The following GRM4 variants were observed in gnomAD, a reference collection of about 807,000 sequenced individuals.
The protein encoded by GRM4 is metabotropic glutamate receptor 4.
Under a neutral mutation model 81.7 loss-of-function variants are expected in GRM4, and 28 were observed. The observed-to-expected ratio is 0.34, with a 90% CI of 0.25 to 0.47. The LOEUF (loss-of-function observed/expected upper bound fraction) is 0.47, where lower values mean the gene tolerates loss of function less well. Ranked by LOEUF, GRM4 falls within the 20% of genes least tolerant of loss-of-function variation. The probability of loss-of-function intolerance (pLI) is 1.00; values close to 1 mark genes in which losing one functional copy is unlikely to be tolerated. For missense variants in GRM4, 948 were observed against 1,290.0 expected (o/e 0.73, Z 4.06); for synonymous variants, 488 against 528.8 (o/e 0.92, Z 1.06).
At chr6:34,104,561 T>A (rs1172480433) in intron 2 of GRM4, among the ~76,000 whole-genome samples, 1 of 152,164 alleles carries the variant, frequency 6.6e-6, no homozygotes, top group Non-Finnish European at 1.5e-5. Context: ...AAAGTGAGAT[T>A]TGAACCCAGG....
At chr6:34,153,234 G>A (rs1467438433) in intron 1 of GRM4, among the ~76,000 whole-genome samples, 3 of 152,100 alleles carry the variant, frequency 2.0e-5, no homozygotes, top group Non-Finnish European at 2.9e-5. Flanking sequence ...CCCTACCTCC[G>A]GGATCTGCAT....
At chr6:34,148,937 C>T (rs1397353159), upstream of GRM4, among the ~76,000 whole-genome samples, 1 of 152,168 alleles carries the variant, frequency 6.6e-6, no homozygotes, top group Non-Finnish European at 1.5e-5. Flanking sequence ...AACACCATCT[C>T]TGCAGGGGAA....
At chr6:34,043,175 G>A (rs1363650726) in intron 6 of GRM4, among the ~76,000 whole-genome samples, 4 of 152,198 alleles carry the variant, frequency 2.6e-5, no homozygotes, top group Non-Finnish European at 5.9e-5. Context: ...ATCCCAGGCT[G>A]CATTTGACTT....
chr6:34,065,631 A>G (rs1274801599), intron 3 of GRM4, among the ~76,000 whole-genome samples: 2 of 152,152 alleles, frequency 1.3e-5, no homozygotes, highest in Non-Finnish European at 2.9e-5. Context: ...CCAGCCGCCC[A>G]GGCTCCTGAC....
upstream of GRM4, among the ~76,000 whole-genome samples, chr6:34,149,051 C>T (rs538226917): frequency 9.1e-4 from 138 of 152,306 alleles, no homozygotes; most frequent in African/African-American, 3.1e-3. Context: ...GAAGTTCTTC[C>T]TGAGGTCTGA....
intron 2 of GRM4, among the ~76,000 whole-genome samples, chr6:34,110,171 A>G (rs548365388): frequency 6.6e-6 from 1 of 152,088 alleles, no homozygotes; most frequent in Non-Finnish European, 1.5e-5. Context: ...GTGCACAACT[A>G]TAGTTCCAGC....
rs1771065278 is a variant in GRM4, at chr6:34,152,501, G to A, written c.312+2578C>T. On this transcript the variant is annotated intron_variant, in intron 1 of 8. Coordinates refer to the GRM4 transcript ENST00000374177. This position sits in a 1 kb window ranked among gnomAD's most constrained non-coding sequence, Gnocchi z 4.1. ...GGAGGATTCTGCTCCCCTCGAAGGAGGCAGCAGCATTTCTGCAAACACCCC... is the reference window on the plus strand; with the variant it reads ...GGAGGATTCTGCTCCCCTCGAAGGAAGCAGCAGCATTTCTGCAAACACCCC... Among the ~76,000 whole-genome samples, 1 of 152,082 alleles carries A rather than the reference G, an allele frequency of 6.6e-6. No individual in the cohort carries two copies. Among genetic ancestry groups the A allele is most frequent in the Non-Finnish European group, 1.5e-5 (1 of 68,000 alleles).
intron 1 of GRM4, among the ~76,000 whole-genome samples, chr6:34,138,233 T>C (rs530477943): frequency 1.3e-5 from 2 of 152,290 alleles, no homozygotes; most frequent in South Asian, 4.1e-4. Context: ...GGAAAAGGGC[T>C]TGGGGACTCA....
Position 34,040,287 on chromosome 6 carries a change from T to C in GRM4, c.1397A>G (p.Asn466Ser), listed in dbSNP as rs776152688. 6.8e-5 allele frequency: 110 copies of C among 1,614,094 alleles called. No homozygotes were observed. The highest frequency in any genetic ancestry group is 1.6e-4 in the Middle Eastern group (1 of 6,084). ...GCGCCCAGGCGCATCTCCATTCTCA[T>C]TGAAGGTCACAGGGTTCCCTGCGAT... ...SGIAGNPVTF[N>S]ENGDAPGRYD... The change falls in exon 8 of 11, where the codon AAT (asparagine) becomes AGT (serine). Residue 466 changes from asparagine to serine, a missense_variant. Asn to Ser is a conservative substitution (Grantham distance 46). Coordinates refer to ENST00000538487, the MANE Select transcript of GRM4 (RefSeq NM_000841.4).
intron 2 of GRM4, among the ~76,000 whole-genome samples, chr6:34,105,275 G>C (rs766114957): frequency 2.6e-5 from 4 of 152,062 alleles, no homozygotes; most frequent in African/African-American, 9.7e-5. Context: ...GGCTCTGGGG[G>C]CTTCCACTGG....
At position 34,115,532 on chromosome 6, in the gene GRM4, G is replaced by A. The variant is rs1040501452; in HGVS notation, c.519+17446C>T. On this transcript the variant is annotated intron_variant, in intron 2 of 10. Transcript: ENST00000538487. The surrounding 1 kb of genome is among the most constrained non-coding windows in gnomAD (Gnocchi z 4.1). ...TCCCAGCCACAAGGTCCTGGTTCAG[G>A]ACCTTGGACAGCAGCCTCCAGGGGT... Among the ~76,000 whole-genome samples, 2 of 152,134 alleles carry A rather than the reference G, an allele frequency of 1.3e-5. No homozygotes were observed. The highest frequency in any genetic ancestry group is 2.4e-5 in the African/African-American group (1 of 41,424).
At position 34,133,173 on chromosome 6, in the gene GRM4, G is replaced by C; in HGVS notation, c.324C>G (p.Thr108=). The C allele has an allele frequency of 1.2e-6, 2 of 1,614,004 alleles. No individual in the cohort carries two copies. Among genetic ancestry groups the C allele is most frequent in the Non-Finnish European group, 1.7e-6 (2 of 1,179,878 alleles). Residue 108 remains threonine (T), a synonymous_variant, in exon 2 of 11, where the codon ACC becomes ACG. Coordinates refer to ENST00000538487, the MANE Select transcript of GRM4 (RefSeq NM_000841.4). This position sits in a 1 kb window ranked among gnomAD's most constrained non-coding sequence, Gnocchi z 6.5. ...NITLGARILD[T]CSRDTHALEQ... is the part of the protein sequence containing the mutation. ...CGAGGGCATGGGTGTCCCTGGAGCA[G>C]GTGTCCAGAATGCGGGCGCCCAGCG...
rs1769537933 is a variant in GRM4, at chr6:34,115,093, C to T, written c.519+17885G>A. 6.6e-6 allele frequency among the ~76,000 whole-genome samples: 1 copy of T among 152,234 alleles called. No homozygotes were observed. The highest frequency in any genetic ancestry group is 1.5e-5 in the Non-Finnish European group (1 of 68,034). On this transcript the variant is annotated intron_variant, in intron 2 of 10. Coordinates refer to ENST00000538487, the MANE Select transcript of GRM4 (RefSeq NM_000841.4). This position sits in a 1 kb window ranked among gnomAD's most constrained non-coding sequence, Gnocchi z 4.1. The stretch of plus-strand genomic sequence containing the variant: ...TGTCCCCAGATGCTGCTAACCTCTC[C>T]TCAGGGGTTGCCTGGGTGCAAAGAG...
At chr6:34,038,263 C>G (rs1357070888) in intron 8 of GRM4, among the ~76,000 whole-genome samples, 1 of 152,274 alleles carries the variant, frequency 6.6e-6, no homozygotes, top group Non-Finnish European at 1.5e-5. Flanking sequence ...CCTTTGTTTT[C>G]TCATCTGATC....
chr6:34,076,673 G>C (rs906912877), intron 3 of GRM4, among the ~76,000 whole-genome samples: 10 of 144,484 alleles, frequency 6.9e-5, no homozygotes, highest in African/African-American at 2.7e-4. Flanking sequence ...AGGGCAGCAG[G>C]AGAGGCCTTC....
rs1767179484 is a variant in GRM4, at chr6:34,074,097, G to A, written c.737-12069C>T. On this transcript the variant is annotated intron_variant, in intron 3 of 10. Coordinates refer to ENST00000538487, the MANE Select transcript of GRM4 (RefSeq NM_000841.4). This position sits in a 1 kb window ranked among gnomAD's most constrained non-coding sequence, Gnocchi z 4.9. Reference sequence around the variant, plus strand: ...CATCCCTTCCCCTGCCAGGAGAACGGGGCTGGATCTCGAGGTGCAGGGGCG... The same window carrying A: ...CATCCCTTCCCCTGCCAGGAGAACGAGGCTGGATCTCGAGGTGCAGGGGCG... 6.6e-6 allele frequency among the ~76,000 whole-genome samples: 1 copy of A among 152,190 alleles called. No individual in the cohort carries two copies. Among genetic ancestry groups the A allele is most frequent in the Non-Finnish European group, 1.5e-5 (1 of 68,040 alleles).
Position 34,042,038 on chromosome 6 carries a change from G to A in GRM4, c.1169-1290C>T, listed in dbSNP as rs1436683781. Among the ~76,000 whole-genome samples the A allele has an allele frequency of 6.6e-6, 1 of 152,118 alleles. No individual in the cohort carries two copies. Among genetic ancestry groups the A allele is most frequent in the East Asian group, 1.9e-4 (1 of 5,182 alleles). On this transcript the variant is annotated intron_variant, in intron 6 of 10. Coordinates refer to ENST00000538487, the MANE Select transcript of GRM4 (RefSeq NM_000841.4). This position sits in a 1 kb window ranked among gnomAD's most constrained non-coding sequence, Gnocchi z 4.2. The stretch of plus-strand genomic sequence containing the variant: ...AGACTGAGGTGGGTGGATCACTTGA[G>A]GTCAGGAGTTCAAGACCAGCCCAGC...
chr6:34,087,518 T>G (rs893569264), intron 3 of GRM4, among the ~76,000 whole-genome samples: 2 of 151,598 alleles, frequency 1.3e-5, no homozygotes, highest in African/African-American at 4.8e-5. Flanking sequence ...ACTGGCATTA[T>G]CTCCAGAGCC....
In GRM4 at chr6:34,141,195, G is replaced by A. The variant is rs116035265; in HGVS notation, c.-364+4805C>T. On this transcript the variant is annotated intron_variant, in intron 1 of 10. Coordinates refer to ENST00000538487, the MANE Select transcript of GRM4 (RefSeq NM_000841.4). ...GAGAGCCAAGTGTGAAGGACTGGGT[G>A]GAACCCAGACCTCCTGGTTCCCATG... Among the ~76,000 whole-genome samples, 1,250 of 152,314 alleles carry A rather than the reference G, an allele frequency of 8.2e-3. 20 individuals are homozygous for A. Among genetic ancestry groups the A allele is most frequent in the African/African-American group, 0.028 (1,169 of 41,558 alleles).
Sources: allele counts gnomAD v4.1 joint callset (sites outside exome capture counted in the v4.1 genomes callset), GRCh38; gene constraint gnomAD v4.1.1; non-coding constraint Gnocchi (gnomAD v3.1); transcripts MANE v1.5; gene names NCBI Gene and HGNC (gene_info 2026-07-23, HGNC 2026-07-21).